The following ZNF678 variants were observed in gnomAD, a reference collection of about 807,000 sequenced individuals.
The protein encoded by ZNF678 is zinc finger protein 678, also known as hypothetical protein MGC42493.
A neutral mutation model predicts 3.0 loss-of-function variants in ZNF678; 5 were observed. That is an observed-to-expected ratio of 1.69 (90% CI 0.88 to 3.56). The LOEUF (loss-of-function observed/expected upper bound fraction) is 3.56, where lower values mean the gene tolerates loss of function less well. ZNF678 is among the 30% of genes most tolerant of loss of function. The probability of loss-of-function intolerance (pLI) is 0.00; values close to 1 mark genes in which losing one functional copy is unlikely to be tolerated. For synonymous variants in ZNF678, 218 were observed against 199.6 expected, an observed-to-expected ratio of 1.09 and a Z score of -0.78; for missense variants, 593 against 605.0, an observed-to-expected ratio of 0.98 and a Z score of 0.21.
Position 227,655,189 on chromosome 1 carries a change from A to C in ZNF678, c.939A>C (p.Arg313Ser). Residue 313 changes from arginine (R) to serine (S), a missense_variant, in exon 4 of 4, where the codon AGA (arginine) becomes AGC (serine). Arg to Ser is a moderately radical substitution (Grantham distance 110). Coordinates refer to ENST00000343776, the MANE Select transcript of ZNF678 (RefSeq NM_001367909.1). ...TTGCAAGCCTTACTCGTCATAAAAGAATTCATACTGGAGAAAAACCCTACC... is the reference window on the plus strand; with the variant it reads ...TTGCAAGCCTTACTCGTCATAAAAGCATTCATACTGGAGAAAAACCCTACC... ...TQFASLTRHKRIHTGEKPYQC... is the reference protein window; with the variant it reads ...TQFASLTRHKSIHTGEKPYQC... 1 of 1,612,318 alleles carries C rather than the reference A, an allele frequency of 6.2e-7. No homozygotes were observed. Among genetic ancestry groups the C allele is most frequent in the Non-Finnish European group, 8.5e-7 (1 of 1,179,290 alleles).
intron 5 of ZNF678, among the ~76,000 whole-genome samples, chr1:227,667,782 C>A (rs1162689812): frequency 6.6e-6 from 1 of 152,104 alleles, no homozygotes; most frequent in East Asian, 1.9e-4. Context: ...ATACCCCGAA[C>A]TTATTTATCA....
At chr1:227,652,831 G>A (rs75424130) in intron 3 of ZNF678, among the ~76,000 whole-genome samples, 1 of 151,952 alleles carries the variant, frequency 6.6e-6, no homozygotes, top group Non-Finnish European at 1.5e-5. Context: ...TTTTATTTTT[G>A]TATATGTGTA....
chr1:227,668,743 T>C (rs1558164037), intron 5 of ZNF678, among the ~76,000 whole-genome samples: 1 of 152,208 alleles, frequency 6.6e-6, no homozygotes, highest in Admixed American at 6.5e-5. Context: ...TTTTATATGA[T>C]GAAAGGTAAG....
chr1:227,633,359 C>G (rs1558149714), intron 1 of ZNF678, among the ~76,000 whole-genome samples: 1 of 152,202 alleles, frequency 6.6e-6, no homozygotes, highest in African/African-American at 2.4e-5. Context: ...TCCCTGTGCT[C>G]TCAGGCAACA....
intron 1 of ZNF678, among the ~76,000 whole-genome samples, chr1:227,592,654 C>T (rs190242631): frequency 6.6e-6 from 1 of 152,272 alleles, no homozygotes; most frequent in Admixed American, 6.5e-5. Flanking sequence ...TGACTTAAAT[C>T]CTGTAGGTAT....
intron 1 of ZNF678, among the ~76,000 whole-genome samples, chr1:227,587,574 T>G (rs1657294442): frequency 6.6e-6 from 1 of 152,190 alleles, no homozygotes; most frequent in African/African-American, 2.4e-5. Context: ...TTTTGAGATA[T>G]TTAAATCCAT....
rs1317723743 is a variant in ZNF678, at chr1:227,656,047, A to T, written c.*219A>T. ...AGGAAAAACCCTTAAACAATTATTCAGACTTTATTCAACTTTAGAGGATTT... is the reference window on the plus strand; with the variant it reads ...AGGAAAAACCCTTAAACAATTATTCTGACTTTATTCAACTTTAGAGGATTT... On this transcript the variant is annotated 3_prime_UTR_variant, in exon 4 of 4. Transcript: ENST00000343776. 2.6e-6 allele frequency: 1 copy of T among 378,820 alleles called. No individual in the cohort carries two copies. The highest frequency in any genetic ancestry group is 4.3e-5 in the East Asian group (1 of 23,182). The allele number at this position is 378,820 out of a possible 1,614,324, so 23.5% of individuals were successfully genotyped here. A position where few individuals can be genotyped will look rare whatever the true frequency, so the allele number is the denominator to read the frequency against.
At chr1:227,608,976 T>A (rs1657947275) in intron 1 of ZNF678, among the ~76,000 whole-genome samples, 1 of 152,054 alleles carries the variant, frequency 6.6e-6, no homozygotes, top group Non-Finnish European at 1.5e-5. Flanking sequence ...GTATTCCAAA[T>A]TAGAATTTAT....
At chr1:227,594,999 G>A (rs1021770969) in intron 1 of ZNF678, among the ~76,000 whole-genome samples, 3 of 152,182 alleles carry the variant, frequency 2.0e-5, no homozygotes, top group Non-Finnish European at 2.9e-5. Flanking sequence ...CTGGGTTAAG[G>A]ACTTTTGATA....
At chr1:227,595,238 T>G (rs995871758) in intron 1 of ZNF678, among the ~76,000 whole-genome samples, 4 of 151,630 alleles carry the variant, frequency 2.6e-5, no homozygotes, top group African/African-American at 9.7e-5. Flanking sequence ...TTGACTTTCC[T>G]TTTGCCTCTG....
chr1:227,668,337 T>A (rs974497303), intron 5 of ZNF678, among the ~76,000 whole-genome samples: 6 of 152,242 alleles, frequency 3.9e-5, no homozygotes, highest in Non-Finnish European at 7.3e-5. Context: ...TCATAAAGGT[T>A]CTGCAGATAT....
At chr1:227,604,857 T>C (rs759750411) in intron 1 of ZNF678, among the ~76,000 whole-genome samples, 147 of 152,284 alleles carry the variant, frequency 9.7e-4, no homozygotes, top group Middle Eastern at 3.4e-3. Context: ...TTAGCACTTT[T>C]ATTTTATTTT....
At chr1:227,591,497 A>T (rs1387612370) in intron 1 of ZNF678, among the ~76,000 whole-genome samples, 2 of 152,146 alleles carry the variant, frequency 1.3e-5, no homozygotes, top group Non-Finnish European at 1.5e-5. Context: ...AGAGAACCAC[A>T]TCCTATTTTT....
intron 1 of ZNF678, among the ~76,000 whole-genome samples, chr1:227,620,874 G>C (rs939116192): frequency 6.6e-6 from 1 of 152,166 alleles, no homozygotes. Flanking sequence ...TAGCTTAATA[G>C]TCAAGGTGTA....
intron 1 of ZNF678, among the ~76,000 whole-genome samples, chr1:227,603,225 A>T (rs954711672): frequency 7.9e-5 from 12 of 152,110 alleles, no homozygotes; most frequent in Admixed American, 2.0e-4. Flanking sequence ...CCACGTCATG[A>T]TGGGCATGGG....
At chr1:227,632,186 A>G (rs1342832630) in intron 1 of ZNF678, among the ~76,000 whole-genome samples, 1 of 152,192 alleles carries the variant, frequency 6.6e-6, no homozygotes, top group Non-Finnish European at 1.5e-5. Context: ...GAGGGACACC[A>G]GGGGAAAGAC....
At chr1:227,676,912 A>G (rs1227743488) in intron 5 of ZNF678, among the ~76,000 whole-genome samples, 3 of 152,096 alleles carry the variant, frequency 2.0e-5, no homozygotes, top group Non-Finnish European at 2.9e-5. Context: ...TTCTTAATCC[A>G]GTCTATCATT....
rs1558159989 is a variant in ZNF678, at chr1:227,658,233, T to C, written c.*2405T>C. ...TTTCACTTTATTGAGCCATTTTGTTTAGATGTACACTGGGAAGGCTTCATA... is the reference window on the plus strand; with the variant it reads ...TTTCACTTTATTGAGCCATTTTGTTCAGATGTACACTGGGAAGGCTTCATA... On this transcript the variant is annotated 3_prime_UTR_variant, in exon 4 of 4. Coordinates refer to ENST00000343776, the MANE Select transcript of ZNF678 (RefSeq NM_001367909.1). 6.6e-6 allele frequency: 1 copy of C among 152,060 alleles called. No individual in the cohort carries two copies. The highest frequency in any genetic ancestry group is 2.4e-5 in the African/African-American group (1 of 41,420). 9.4% of individuals were successfully genotyped at this position (152,060 alleles called of 1,614,324 possible).
intron 1 of ZNF678, among the ~76,000 whole-genome samples, chr1:227,601,872 A>T (rs1410774064): frequency 6.6e-6 from 1 of 152,070 alleles, no homozygotes; most frequent in Non-Finnish European, 1.5e-5. Flanking sequence ...TTGGCTTTAT[A>T]ATTTTTGGTG....
Sources: gnomAD v4.1 joint callset for allele counts (sites outside exome capture counted in the v4.1 genomes callset) on GRCh38, gnomAD v4.1.1 for gene constraint, MANE v1.5 for transcripts, NCBI Gene and HGNC (gene_info 2026-07-23, HGNC 2026-07-21) for gene names.